Variants in PIGP observed in about 807,000 individuals in gnomAD.
The protein encoded by PIGP is phosphatidylinositol glycan anchor biosynthesis class P.
Under a neutral mutation model 16.9 loss-of-function variants are expected in PIGP, and 12 were observed. The observed-to-expected ratio is 0.71, with a 90% CI of 0.46 to 1.15. The LOEUF (loss-of-function observed/expected upper bound fraction) is 1.15, where lower values mean the gene tolerates loss of function less well. Ranked by LOEUF, PIGP falls within the 50% of genes most tolerant of loss-of-function variation. PIGP has a pLI of 0.00. For synonymous variants in PIGP, 57 were observed against 54.7 expected (o/e 1.04, Z -0.18); for missense variants, 159 against 153.5 (o/e 1.04, Z -0.19).
At position 37,070,090 on chromosome 21, in the gene PIGP, G is replaced by A. The variant is rs145737095; in HGVS notation, c.83-466C>T. Among the ~76,000 whole-genome samples the A allele has an allele frequency of 9.0e-3, 1,362 of 152,102 alleles. 14 individuals carry two copies. The highest frequency in any genetic ancestry group is 0.015 in the Non-Finnish European group (1,013 of 67,998). On this transcript the variant is annotated intron_variant, in intron 2 of 4. Coordinates refer to ENST00000360525, the MANE Select transcript of PIGP (RefSeq NM_153682.3). The stretch of plus-strand genomic sequence containing the variant: ...GTTATTTCCCTCAATCCGAAATCTC[G>A]GCACTCTTTACTGTTATCCCACGAT...
chr21:37,067,341 AGC>A lies in PIGP; in HGVS notation c.193_194del (p.Ala65TyrfsTer12). The A allele has an allele frequency of 6.2e-7, 1 of 1,610,890 alleles. No homozygotes were observed. Among genetic ancestry groups the A allele is most frequent in the Non-Finnish European group, 8.5e-7 (1 of 1,177,024 alleles). On this transcript the variant is annotated frameshift_variant, in exon 4 of 5. Transcript: ENST00000360525. LOFTEE classifies it high-confidence loss of function. ...ACAAGAGCACGTAGCCAATTACTAT[AGC>A]AATAAGGAGGTAGACAGGTAATGCA... ...AVALPVYLLI[A>X]IVIGYVLLFG...
At chr21:37,067,184 C>A in intron 4 of PIGP, 78 bp downstream of exon 4, 1 of 843,878 alleles carries the variant, frequency 1.2e-6, no homozygotes, top group Non-Finnish European at 2.0e-6. Flanking sequence ...GCAGCCTGTT[C>A]TTTGTTGCTT....
At chr21:37,072,317 A>G in intron 2 of PIGP, 117 bp downstream of exon 2, 1 of 1,599,438 alleles carries the variant, frequency 6.3e-7, no homozygotes, top group South Asian at 1.1e-5. Context: ...TTTTCTTAAA[A>G]AGAGACATAG....
chr21:37,066,928 A>G (rs557443399), intron 4 of PIGP, among the ~76,000 whole-genome samples: 1 of 151,770 alleles, frequency 6.6e-6, no homozygotes, highest in Admixed American at 6.6e-5. Flanking sequence ...TTCCTTTTAT[A>G]TAAGTTTGTA....
In PIGP at chr21:37,072,846, A is replaced by AGGCCAGG. The variant is rs1427378049; in HGVS notation, c.-23+153_-23+154insCCTGGCC. ...AGGGAACAAGGCTCGCGCGGCGCCC[A>AGGCCAGG]CCAGCATGCGGGCCTACTAGGTCGC... On this transcript the variant is annotated intron_variant, in intron 1 of 4. Transcript: ENST00000360525. 11 of 471,920 alleles carry AGGCCAGG rather than the reference A, an allele frequency of 2.3e-5. No homozygotes were observed. The Admixed American group carries it at 3.5e-4, about 15-fold the overall frequency. 29.2% of individuals were successfully genotyped at this position (471,920 alleles called of 1,614,324 possible).
chr21:37,066,427 T>C (rs888230325), intron 4 of PIGP, among the ~76,000 whole-genome samples: 5 of 152,216 alleles, frequency 3.3e-5, no homozygotes, highest in African/African-American at 9.6e-5. Context: ...AATAATAGAA[T>C]TGATTTTCAA....
chr21:37,070,209 C>T (rs998107715), intron 2 of PIGP, among the ~76,000 whole-genome samples: 2 of 152,188 alleles, frequency 1.3e-5, no homozygotes, highest in Non-Finnish European at 2.9e-5. Flanking sequence ...GACAATCCTC[C>T]AAGGCAAGTA....
intron 4 of PIGP, among the ~76,000 whole-genome samples, chr21:37,066,044 T>C (rs928707228): frequency 2.6e-5 from 4 of 151,454 alleles, no homozygotes; most frequent in South Asian, 2.1e-4. Flanking sequence ...GATTGCGCCA[T>C]TGCACTCCAG....
chr21:37,070,922 C>T (rs185799325), intron 2 of PIGP, among the ~76,000 whole-genome samples: 136 of 152,302 alleles, frequency 8.9e-4, no homozygotes, highest in Admixed American at 3.4e-3. Context: ...GCCACCATCC[C>T]GGCTAATTTT....
chr21:37,065,729 A>C lies in PIGP; in HGVS notation c.275-17T>G, dbSNP rs2069891584. ...CATAGTTATCTGTAAGAAAAGACCA[A>C]AAAGCTCTGTTTACCTAAGCAATTT... On this transcript the variant is annotated splice_polypyrimidine_tract_variant and intron_variant, in intron 4 of 4. Transcript: ENST00000360525. The C allele has an allele frequency of 1.9e-6, 3 of 1,610,636 alleles. No homozygotes were observed. The East Asian group carries it at 6.7e-5, about 36-fold the overall frequency.
chr21:37,071,263 C>G lies in PIGP; in HGVS notation c.82+1171G>C, dbSNP rs578077457. On this transcript the variant is annotated intron_variant, in intron 2 of 4. Coordinates refer to ENST00000360525, the MANE Select transcript of PIGP (RefSeq NM_153682.3). ...TCCTCACAACAGTCAGAAGAGGCAG[C>G]AGAGTGAAGTCAGCCAGTGTATTTG... is the stretch of plus-strand genomic sequence containing the variant. Among the ~76,000 whole-genome samples the G allele has an allele frequency of 2.3e-4, 35 of 152,314 alleles. No individual in the cohort carries two copies. In the East Asian group the frequency reaches 6.0e-3, roughly 26 times the overall value.
chr21:37,071,742 A>C (rs762630003), intron 2 of PIGP, among the ~76,000 whole-genome samples: 4 of 152,148 alleles, frequency 2.6e-5, no homozygotes, highest in Non-Finnish European at 4.4e-5. Context: ...AAATTCTCAA[A>C]TCATTTTGGG....
chr21:37,069,783 G>C (rs527971212), intron 2 of PIGP, among the ~76,000 whole-genome samples, 159 bp from the exon 3 acceptor site: 2 of 151,876 alleles, frequency 1.3e-5, no homozygotes, highest in African/African-American at 4.8e-5. Flanking sequence ...CTTCTAGCTC[G>C]TTTGCACAAT....
chr21:37,065,681 T>C lies in PIGP; in HGVS notation c.306A>G (p.Lys102=), dbSNP rs755842945. ...DNYAKNQQQK[K]YQEEAIPALR... ...AGGCTGGAATGGCCTCCTCTTGGTA[T>C]TTCTTCTGCTGTTGATTTTTTGCAT... is the stretch of plus-strand genomic sequence containing the variant. Residue 102 remains lysine (K), a synonymous_variant, in exon 5 of 5, where the codon AAA becomes AAG. Coordinates refer to ENST00000360525, the MANE Select transcript of PIGP (RefSeq NM_153682.3). The C allele has an allele frequency of 2.5e-6, 4 of 1,613,488 alleles. No homozygotes were observed. The highest frequency in any genetic ancestry group is 3.4e-6 in the Non-Finnish European group (4 of 1,179,756).
At chr21:37,066,211 A>G (rs1012454274) in intron 4 of PIGP, among the ~76,000 whole-genome samples, 4 of 152,230 alleles carry the variant, frequency 2.6e-5, no homozygotes, top group African/African-American at 4.8e-5. Flanking sequence ...AATGATGATT[A>G]AAGTCTCATT....
rs1464421961 is a variant in PIGP, at chr21:37,067,361, G to C, written c.175C>G (p.Pro59Ala). 3.1e-6 allele frequency: 5 copies of C among 1,599,578 alleles called. No individual in the cohort carries two copies. The highest frequency in any genetic ancestry group is 4.3e-6 in the Non-Finnish European group (5 of 1,166,984). ...WPQKYWAVAL[P>A]VYLLIAIVIG... ...ACTATAGCAATAAGGAGGTAGACAG[G>C]TAATGCAACTGCCCAATATCTGCCA... The change falls in exon 4 of 5, where the codon CCT becomes GCT. Residue 59 changes from proline to alanine, a missense_variant. Coordinates refer to ENST00000360525, the MANE Select transcript of PIGP (RefSeq NM_153682.3).
At chr21:37,066,322 A>G (rs2069902565) in intron 4 of PIGP, among the ~76,000 whole-genome samples, 1 of 151,440 alleles carries the variant, frequency 6.6e-6, no homozygotes, top group Middle Eastern at 3.4e-3. Flanking sequence ...TATTCATGCA[A>G]TCTTAACAAT....
In PIGP at chr21:37,069,578, A is replaced by G. The variant is rs1380229137; in HGVS notation, c.129T>C (p.Ser43=). The G allele has an allele frequency of 1.3e-6, 2 of 1,567,932 alleles. No homozygotes were observed. The highest frequency in any genetic ancestry group is 8.7e-7 in the Non-Finnish European group (1 of 1,153,196). ...WAFIPESWLN[S]LGLTYWPQKY... Reference sequence around the variant, plus strand: ...TTTGAGGCCAATAGGTTAAACCTAAAGAGTTTAGCCAAGATTCAGGAATAA... The same window carrying G: ...TTTGAGGCCAATAGGTTAAACCTAAGGAGTTTAGCCAAGATTCAGGAATAA... The change falls in exon 3 of 5, where the codon TCT becomes TCC. Residue 43 remains serine, a synonymous_variant. Coordinates refer to ENST00000360525, the MANE Select transcript of PIGP (RefSeq NM_153682.3).
rs762909868 is a variant in PIGP, at chr21:37,072,099, C to T, written c.82+335G>A. The T allele has an allele frequency of 3.5e-6, 3 of 850,140 alleles. No individual in the cohort carries two copies. The East Asian group carries it at 7.2e-5, about 20-fold the overall frequency. 52.7% of individuals were successfully genotyped at this position (850,140 alleles called of 1,614,324 possible). On this transcript the variant is annotated intron_variant, in intron 2 of 4. Coordinates refer to ENST00000360525, the MANE Select transcript of PIGP (RefSeq NM_153682.3). ...CAGTCTGGTTTCAATGTCTCTCCACCGTGCTCCCTGACACTCATCACACTG... is the reference window on the plus strand; with the variant it reads ...CAGTCTGGTTTCAATGTCTCTCCACTGTGCTCCCTGACACTCATCACACTG...
Sources: gnomAD v4.1 joint callset for allele counts (sites outside exome capture counted in the v4.1 genomes callset) on GRCh38, gnomAD v4.1.1 for gene constraint, MANE v1.5 for transcripts, NCBI Gene and HGNC (gene_info 2026-07-23, HGNC 2026-07-21) for gene names.